The following UBR4 variants were observed in gnomAD, a reference collection of about 807,000 sequenced individuals.
UBR4 encodes the protein ubiquitin protein ligase E3 component n-recognin 4, also known as E3 ubiquitin-protein ligase UBR4.
UBR4 carries 124 observed loss-of-function variants against 575.6 expected under a neutral mutation model. The ratio of observed to expected loss-of-function variants is 0.22; its 90% confidence interval spans 0.19 to 0.25. The LOEUF is 0.25. Among genes scored for constraint, UBR4 ranks in the 10% least tolerant of loss-of-function variants. UBR4 has a pLI of 1.00. For missense variants in UBR4, 4,818 were observed against 6,478.8 expected, an observed-to-expected ratio of 0.74 and a Z score of 8.80; for synonymous variants, 2,455 against 2,473.7, an observed-to-expected ratio of 0.99 and a Z score of 0.22.
intron 39 of UBR4, 96 bp from the exon 40 acceptor site, chr1:19,158,093 T>G: frequency 7.5e-7 from 1 of 1,341,720 alleles, no homozygotes. Flanking sequence ...ACTGCACAAT[T>G]CAGTCATTCA....
intron 74 of UBR4, 46 bp downstream of exon 74, chr1:19,115,352 C>A: frequency 6.3e-7 from 1 of 1,592,120 alleles, no homozygotes; most frequent in Non-Finnish European, 8.6e-7. Flanking sequence ...AGAAAAATAA[C>A]AAGGAATGTG....
intron 33 of UBR4, 105 bp downstream of exon 33, chr1:19,164,147 AG>A: frequency 1.5e-6 from 2 of 1,332,632 alleles, no homozygotes; most frequent in South Asian, 3.1e-5. Context: ...CTCCAATGAA[AG>A]GGTAGAGATT....
Position 19,104,038 on chromosome 1 carries a change from C to T in UBR4, c.12901+46G>A, listed in dbSNP as rs531758892. 126 of 1,596,346 alleles carry T rather than the reference C, an allele frequency of 7.9e-5. No homozygotes were observed. The East Asian group carries it at 2.8e-3, about 35-fold the overall frequency. Reference sequence around the variant, plus strand: ...ATTGGTCGAATGCACCTCGGCAGCCCCAGAAGGGACAGTGCCTTAGGCTCC... The same window carrying T: ...ATTGGTCGAATGCACCTCGGCAGCCTCAGAAGGGACAGTGCCTTAGGCTCC... On this transcript the variant is annotated intron_variant, in intron 87 of 105. Transcript: ENST00000375254.
chr1:19,181,973 C>T (rs1296007812), intron 17 of UBR4, among the ~76,000 whole-genome samples: 2 of 152,168 alleles, frequency 1.3e-5, no homozygotes, highest in African/African-American at 4.8e-5. Context: ...TTCCCATCTC[C>T]CTGCCCCACG....
intron 32 of UBR4, 36 bp from the exon 33 acceptor site, chr1:19,164,477 A>G: frequency 1.3e-6 from 2 of 1,591,550 alleles, no homozygotes; most frequent in Non-Finnish European, 1.7e-6. Flanking sequence ...GTGAATAATC[A>G]ACAGGAATCT....
chr1:19,190,310 A>ATAT (rs1420680603), intron 11 of UBR4, among the ~76,000 whole-genome samples: 12 of 78,044 alleles, frequency 1.5e-4, no homozygotes, highest in African/African-American at 4.1e-4. Context: ...AAAAAAAAAA[A>ATAT]AAATATATAT....
At position 19,201,762 on chromosome 1, in the gene UBR4, A is replaced by G. The variant is rs1351505759; in HGVS notation, c.230T>C (p.Phe77Ser). Reference sequence around the variant, plus strand: ...AATATAGTGTGTGGAAAGTGCAACAAAAGATGAGTAGAATGGCTCGTACTG... The same window carrying G: ...AATATAGTGTGTGGAAAGTGCAACAGAAGATGAGTAGAATGGCTCGTACTG... ...EKQYEPFYSSFVALSTHYITT... is the reference protein window; with the variant it reads ...EKQYEPFYSSSVALSTHYITT... The change falls in exon 2 of 106, where the codon TTT (phenylalanine) becomes TCT (serine). Residue 77 changes from phenylalanine (F) to serine (S), a missense_variant. By Grantham distance (155) the Phe-to-Ser change is radical. Transcript: ENST00000375254. The G allele has an allele frequency of 1.2e-6, 2 of 1,614,172 alleles. No individual in the cohort carries two copies. The highest frequency in any genetic ancestry group is 8.5e-7 in the Non-Finnish European group (1 of 1,179,998).
intron 53 of UBR4, among the ~76,000 whole-genome samples, chr1:19,145,559 A>G (rs981008329): frequency 6.7e-6 from 1 of 149,242 alleles, no homozygotes; most frequent in Admixed American, 6.6e-5. Flanking sequence ...TCTTTATGTA[A>G]AATATTCAAC....
intron 64 of UBR4, among the ~76,000 whole-genome samples, chr1:19,125,090 A>G (rs1268466070): frequency 2.0e-5 from 3 of 152,224 alleles, no homozygotes; most frequent in Non-Finnish European, 4.4e-5. Flanking sequence ...AAAATTTCCC[A>G]TGATAACAAG....
intron 53 of UBR4, 66 bp from the exon 54 acceptor site, chr1:19,144,973 G>A: frequency 6.3e-7 from 1 of 1,591,504 alleles, no homozygotes; most frequent in Non-Finnish European, 8.6e-7. Context: ...GAGAGTCTGA[G>A]ACAAAAGTGT....
chr1:19,081,156 C>T (rs929700281), intron 103 of UBR4, 193 bp downstream of exon 103: 43 of 556,852 alleles, frequency 7.7e-5, no homozygotes, highest in Non-Finnish European at 1.2e-4. Context: ...AACAGAAAAC[C>T]CAGAAATGAC....
At chr1:19,187,096 AC>A (rs1571622316) in intron 13 of UBR4, 67 bp downstream of exon 13, 3 of 891,536 alleles carry the variant, frequency 3.4e-6, no homozygotes, top group South Asian at 3.6e-5. Flanking sequence ...ATATATATAT[AC>A]ATATATATAT....
At position 19,081,977 on chromosome 1, in the gene UBR4, CAAAAACA is replaced by C. The variant is rs1459789799; in HGVS notation, c.15009-411_15009-405del. The C allele has an allele frequency of 5.1e-6, 3 of 586,808 alleles. No individual in the cohort carries two copies. The East Asian group carries it at 8.3e-5, about 16-fold the overall frequency. The allele number at this position is 586,808 out of a possible 1,614,324, so 36.4% of individuals were successfully genotyped here. A position where few individuals can be genotyped will look rare whatever the true frequency, so the allele number is the denominator to read the frequency against. On this transcript the variant is annotated intron_variant, in intron 102 of 105. Transcript: ENST00000375254. ...TCAGCAAGCTAGTGAGTGATGGGGCCAAAAACATGAATCAAGATTCCCTGGTGGGTCC... is the reference window on the plus strand; with the variant it reads ...TCAGCAAGCTAGTGAGTGATGGGGCCTGAATCAAGATTCCCTGGTGGGTCC...
chr1:19,121,845 A>C (rs995444571), intron 67 of UBR4, 89 bp downstream of exon 67: 1 of 1,410,502 alleles, frequency 7.1e-7, no homozygotes, highest in Non-Finnish European at 9.9e-7. Context: ...CTATATCTCC[A>C]GCATCCAGTT....
intron 90 of UBR4, among the ~76,000 whole-genome samples, chr1:19,098,150 G>A (rs998517320): frequency 5.3e-5 from 8 of 152,212 alleles, no homozygotes. Context: ...GGACACCCTG[G>A]AGGAAGACAA....
chr1:19,133,538 C>G (rs1019450428), intron 60 of UBR4, among the ~76,000 whole-genome samples: 1 of 151,990 alleles, frequency 6.6e-6, no homozygotes, highest in Admixed American at 6.5e-5. Flanking sequence ...TCTTAGCCAA[C>G]GCAATAAGGC....
chr1:19,078,347 CCAGGGCAGACGT>C, intron 103 of UBR4: 1 of 335,358 alleles, frequency 3.0e-6, no homozygotes, highest in East Asian at 6.3e-5. Context: ...GGAGACATCG[CCAGGGCAGACGT>C]GGCAAATGCA....
At chr1:19,074,918 G>A in intron 105 of UBR4, 22 bp from the exon 106 acceptor site, 1 of 1,613,112 alleles carries the variant, frequency 6.2e-7, no homozygotes, top group Middle Eastern at 1.7e-4. Context: ...AACGGGCAGA[G>A]GTGTGTCAGG....
chr1:19,153,735 G>A lies in UBR4; in HGVS notation c.6630+33C>T, dbSNP rs199722886. On this transcript the variant is annotated intron_variant, in intron 45 of 105. Coordinates refer to ENST00000375254, the MANE Select transcript of UBR4 (RefSeq NM_020765.3). The surrounding 1 kb of genome is among the most constrained non-coding windows in gnomAD (Gnocchi z 4.1). ...AACATAAAAAGAGACCAGGTTCACA[G>A]CAAAGTAATGAATGGGAAAATCTGG... 32 of 1,601,378 alleles carry A rather than the reference G, an allele frequency of 2.0e-5. No individual in the cohort carries two copies. The highest frequency in any genetic ancestry group is 2.7e-5 in the Non-Finnish European group (32 of 1,174,036).
Sources: allele counts gnomAD v4.1 joint callset (sites outside exome capture counted in the v4.1 genomes callset), GRCh38; gene constraint gnomAD v4.1.1; non-coding constraint Gnocchi (gnomAD v3.1); transcripts MANE v1.5; gene names NCBI Gene and HGNC (gene_info 2026-07-23, HGNC 2026-07-21).